UNC5D: variants seen among roughly 807,000 people sequenced by gnomAD.
The protein encoded by UNC5D is netrin receptor UNC5D.
In UNC5D, 39 loss-of-function variants were observed where a neutral mutation model predicts 105.4. The observed-to-expected ratio is 0.37, with a 90% CI of 0.29 to 0.48. UNC5D has a LOEUF of 0.48. Among genes scored for constraint, UNC5D ranks in the 20% least tolerant of loss-of-function variants. The pLI is 0.98. For synonymous variants in UNC5D, 452 were observed against 450.4 expected (o/e 1.00, Z -0.04); for missense variants, 991 against 1,202.4 (o/e 0.82, Z 2.60).
intron 7 of UNC5D, among the ~76,000 whole-genome samples, chr8:35,690,862 T>G (rs528013821): frequency 2.8e-4 from 42 of 152,334 alleles, no homozygotes; most frequent in Admixed American, 1.1e-3. Context: ...TATTACAATT[T>G]GGGAATTTTC....
intron 1 of UNC5D, among the ~76,000 whole-genome samples, chr8:35,495,475 A>T (rs1230954416): frequency 6.6e-6 from 1 of 150,964 alleles, no homozygotes; most frequent in East Asian, 1.9e-4. Context: ...AAAAAAAAAA[A>T]AAAAAAGCAA....
chr8:35,695,706 TTATA>T (rs1158613099), intron 7 of UNC5D, among the ~76,000 whole-genome samples: 2 of 143,858 alleles, frequency 1.4e-5, no homozygotes, highest in African/African-American at 5.5e-5. Context: ...GAAAGTATTT[TTATA>T]TTATTTATTT....
chr8:35,575,385 A>G (rs1818021046), intron 3 of UNC5D, among the ~76,000 whole-genome samples: 1 of 152,204 alleles, frequency 6.6e-6, no homozygotes, highest in African/African-American at 2.4e-5. Context: ...TGGATCTAAC[A>G]TGGCATCTGG....
At chr8:35,567,704 T>C (rs1488737144) in intron 2 of UNC5D, among the ~76,000 whole-genome samples, 1 of 152,100 alleles carries the variant, frequency 6.6e-6, no homozygotes, top group African/African-American at 2.4e-5. Context: ...AACCCAGACG[T>C]AGGGGCACTT....
intron 4 of UNC5D, among the ~76,000 whole-genome samples, chr8:35,622,951 C>T (rs573564051): frequency 2.0e-5 from 3 of 152,298 alleles, no homozygotes; most frequent in Non-Finnish European, 4.4e-5. Flanking sequence ...CCGTTGAACT[C>T]ATGTTTTCTC....
intron 11 of UNC5D, 137 bp from the exon 12 acceptor site, chr8:35,748,390 A>G (rs980090146): frequency 3.0e-5 from 26 of 858,874 alleles, no homozygotes; most frequent in Non-Finnish European, 4.5e-5. Context: ...TCTCCAGACC[A>G]GTCCTTTGTA....
intron 4 of UNC5D, among the ~76,000 whole-genome samples, chr8:35,670,173 CCTTAA>C (rs1270530433): frequency 6.6e-6 from 1 of 151,958 alleles, no homozygotes; most frequent in East Asian, 1.9e-4. Context: ...CCATCATTAC[CCTTAA>C]CAGTCAAATA....
In UNC5D at chr8:35,465,933, G is replaced by A. The variant is rs145571565; in HGVS notation, c.104-83359G>A. Among the ~76,000 whole-genome samples the A allele has an allele frequency of 1.4e-3, 216 of 152,248 alleles. 1 individual carries two copies. Among genetic ancestry groups the A allele is most frequent in the African/African-American group, 4.8e-3 (198 of 41,566 alleles). On this transcript the variant is annotated intron_variant, in intron 1 of 16. Coordinates refer to ENST00000404895, the MANE Select transcript of UNC5D (RefSeq NM_080872.4). ...GTGGAGGAAGGGACCATGAGCCAAGGTGTGTGGGCAGCTTCTAGAACCTGG... is the reference window on the plus strand; with the variant it reads ...GTGGAGGAAGGGACCATGAGCCAAGATGTGTGGGCAGCTTCTAGAACCTGG...
intron 13 of UNC5D, among the ~76,000 whole-genome samples, chr8:35,756,566 AAG>A (rs1491051066): frequency 4.1e-4 from 62 of 150,050 alleles, no homozygotes; most frequent in Admixed American, 3.2e-3. Context: ...AAAAAAAAAA[AAG>A]AAAAAAAGAA....
chr8:35,438,081 C>T (rs1563417841), intron 1 of UNC5D, among the ~76,000 whole-genome samples: 1 of 151,454 alleles, frequency 6.6e-6, no homozygotes, highest in African/African-American at 2.4e-5. Flanking sequence ...ACCCTTTGTC[C>T]ATTTTGGAAA....
chr8:35,518,181 T>A (rs1338361976), intron 1 of UNC5D, among the ~76,000 whole-genome samples: 2 of 152,178 alleles, frequency 1.3e-5, no homozygotes, highest in Admixed American at 1.3e-4. Context: ...AGTAGCACTG[T>A]TTTTCATATC....
chr8:35,645,152 C>G (rs1822972589), intron 4 of UNC5D, among the ~76,000 whole-genome samples: 1 of 152,158 alleles, frequency 6.6e-6, no homozygotes, highest in Non-Finnish European at 1.5e-5. Flanking sequence ...CTCCATCTTT[C>G]TGCACTGGTC....
chr8:35,708,241 A>T (rs999764457), intron 8 of UNC5D, among the ~76,000 whole-genome samples: 2 of 152,124 alleles, frequency 1.3e-5, no homozygotes, highest in African/African-American at 2.4e-5. Flanking sequence ...AGTTGCGGGG[A>T]GGTGTAAAAA....
intron 4 of UNC5D, among the ~76,000 whole-genome samples, chr8:35,662,659 C>A (rs906312399): frequency 1.3e-5 from 2 of 152,092 alleles, no homozygotes; most frequent in African/African-American, 4.8e-5. Context: ...CAAATCTGGG[C>A]TAAAAATGAA....
At chr8:35,593,313 A>G (rs1819294482) in intron 3 of UNC5D, among the ~76,000 whole-genome samples, 1 of 152,222 alleles carries the variant, frequency 6.6e-6, no homozygotes, top group Non-Finnish European at 1.5e-5. Flanking sequence ...ATGTAAATAG[A>G]AATTTGCACT....
intron 12 of UNC5D, among the ~76,000 whole-genome samples, chr8:35,749,564 C>T (rs888595028): frequency 1.3e-5 from 2 of 152,130 alleles, no homozygotes; most frequent in African/African-American, 4.8e-5. Flanking sequence ...TTACCTTTAC[C>T]CTGCCAACTA....
At chr8:35,322,724 T>C (rs1384071834) in intron 1 of UNC5D, among the ~76,000 whole-genome samples, 1 of 152,216 alleles carries the variant, frequency 6.6e-6, no homozygotes, top group African/African-American at 2.4e-5. Flanking sequence ...GATTTCCTAT[T>C]TATAGGTAAC....
chr8:35,773,409 G>C (rs1802095993), intron 15 of UNC5D, among the ~76,000 whole-genome samples: 1 of 152,058 alleles, frequency 6.6e-6, no homozygotes, highest in Non-Finnish European at 1.5e-5. Context: ...ATTTAATTCT[G>C]AAACAATTTT....
At chr8:35,597,179 C>G (rs1408605150) in intron 4 of UNC5D, among the ~76,000 whole-genome samples, 3 of 152,084 alleles carry the variant, frequency 2.0e-5, no homozygotes, top group Non-Finnish European at 4.4e-5. Flanking sequence ...GCTGGGTGGA[C>G]ACTATTCAAA....
Sources: allele counts gnomAD v4.1 joint callset (sites outside exome capture counted in the v4.1 genomes callset), GRCh38; gene constraint gnomAD v4.1.1; transcripts MANE v1.5; gene names NCBI Gene and HGNC (gene_info 2026-07-23, HGNC 2026-07-21).